The following RBFOX1 variants were observed in gnomAD, a reference collection of about 807,000 sequenced individuals.
RBFOX1 encodes RNA binding fox-1 homolog 1.
Under a neutral mutation model 57.7 loss-of-function variants are expected in RBFOX1, and 8 were observed. The observed-to-expected ratio is 0.14, with a 90% confidence interval of 0.08 to 0.25. The LOEUF is 0.25. RBFOX1 is among the 10% of genes least tolerant of loss of function. The pLI is 1.00. For synonymous variants in RBFOX1, 326 were observed against 222.4 expected (o/e 1.47, Z -4.15); for missense variants, 611 against 548.5 (o/e 1.11, Z -1.14).
At chr16:5,725,434 T>TTG (rs1440013042) in intron 3 of RBFOX1, among the ~76,000 whole-genome samples, 10 of 151,896 alleles carry the variant, frequency 6.6e-5, no homozygotes, top group Non-Finnish European at 4.4e-5. Context: ...TATTATTATT[T>TTG]TTATTTTTTG....
At chr16:6,821,307 A>C (rs1309838408) in intron 3 of RBFOX1, among the ~76,000 whole-genome samples, 1 of 152,146 alleles carries the variant, frequency 6.6e-6, no homozygotes, top group Non-Finnish European at 1.5e-5. Flanking sequence ...CTTCCCTATT[A>C]CTAAGTTTTG....
At chr16:6,924,348 G>C (rs2153459810) in intron 3 of RBFOX1, among the ~76,000 whole-genome samples, 1 of 152,128 alleles carries the variant, frequency 6.6e-6, no homozygotes, top group South Asian at 2.1e-4. Flanking sequence ...ATGTTGGGCA[G>C]GGAAGAGGAA....
At chr16:5,657,662 C>CT (rs760995546) in intron 3 of RBFOX1, among the ~76,000 whole-genome samples, 4,038 of 125,960 alleles carry the variant, frequency 0.032, 111 homozygotes, top group East Asian at 0.13. Context: ...CTTTTCTTTT[C>CT]TTTCTTTCTT....
intron 4 of RBFOX1, among the ~76,000 whole-genome samples, chr16:5,969,358 C>T (rs1372085190): frequency 8.0e-6 from 1 of 124,962 alleles, no homozygotes; most frequent in Non-Finnish European, 1.6e-5. Context: ...GTCACCCGGG[C>T]TGGAGTGCAA....
In RBFOX1 at chr16:6,088,473, C is replaced by T. The variant is rs549350935; in HGVS notation, c.-127+68481C>T. ...ATTAATCATTCACTTTCCTATCCAC[C>T]ATTCAACCATCCATGCATCCTCCCT... On this transcript the variant is annotated intron_variant, in intron 1 of 15. Transcript: ENST00000550418. Among the ~76,000 whole-genome samples the T allele has an allele frequency of 3.2e-4, 48 of 152,218 alleles. 1 individual carries two copies. The highest frequency in any genetic ancestry group is 6.8e-3 in the Middle Eastern group (2 of 294).
At chr16:7,705,883 G>C (rs1488985611) in intron 14 of RBFOX1, among the ~76,000 whole-genome samples, 2 of 152,210 alleles carry the variant, frequency 1.3e-5, no homozygotes, top group Non-Finnish European at 2.9e-5. Context: ...TGATGGATGG[G>C]AAGTGGGCAC....
intron 2 of RBFOX1, among the ~76,000 whole-genome samples, chr16:6,489,139 C>A (rs562391043): frequency 6.6e-6 from 1 of 152,144 alleles, no homozygotes; most frequent in East Asian, 1.9e-4. Context: ...CTCTTTAGTA[C>A]GAGAAGTGCT....
At chr16:7,399,447 CAAATAAATAAATAAAT>C (rs1568635163) in intron 4 of RBFOX1, among the ~76,000 whole-genome samples, 1 of 152,016 alleles carries the variant, frequency 6.6e-6, no homozygotes, top group Non-Finnish European at 1.5e-5. Flanking sequence ...AACTCTGTCT[CAAATAAATAAATAAAT>C]GAATAAATAA....
At chr16:5,387,444 C>G (rs576541093) in intron 1 of RBFOX1, among the ~76,000 whole-genome samples, 12 of 152,276 alleles carry the variant, frequency 7.9e-5, no homozygotes, top group Non-Finnish European at 1.3e-4. Context: ...TCTGTTATGC[C>G]TTTGAGGGAC....
intron 1 of RBFOX1, among the ~76,000 whole-genome samples, chr16:6,109,195 C>T (rs555966102): frequency 6.6e-6 from 1 of 152,176 alleles, no homozygotes; most frequent in South Asian, 2.1e-4. Context: ...AGCTCATTGC[C>T]CCCTTTCCCC....
chr16:6,634,515 AAT>A (rs2098415456), intron 2 of RBFOX1, among the ~76,000 whole-genome samples: 1 of 148,872 alleles, frequency 6.7e-6, no homozygotes, highest in Non-Finnish European at 1.5e-5. Context: ...CATTTAATAG[AAT>A]ATATGATATA....
intron 1 of RBFOX1, among the ~76,000 whole-genome samples, chr16:5,399,995 C>T (rs1213142985): frequency 6.6e-6 from 1 of 152,108 alleles, no homozygotes; most frequent in Non-Finnish European, 1.5e-5. Flanking sequence ...TATGTTTGCC[C>T]TCCTTTCACC....
chr16:7,469,407 G>C (rs1039379305), intron 4 of RBFOX1, among the ~76,000 whole-genome samples: 2 of 152,090 alleles, frequency 1.3e-5, no homozygotes, highest in East Asian at 1.9e-4. Flanking sequence ...GGCTATGTTT[G>C]TCTCATCTTC....
chr16:6,433,226 G>A lies in RBFOX1; in HGVS notation c.-64+116169G>A, dbSNP rs551527149. On this transcript the variant is annotated intron_variant, in intron 2 of 15. Coordinates refer to ENST00000550418, the MANE Select transcript of RBFOX1 (RefSeq NM_018723.4). ...TAGGTATAGCTGATGGGAGTTTTTGGCATAGCAAATGAGAAGTCATAGAGA... is the reference window on the plus strand; with the variant it reads ...TAGGTATAGCTGATGGGAGTTTTTGACATAGCAAATGAGAAGTCATAGAGA... Among the ~76,000 whole-genome samples, 3 of 152,298 alleles carry A rather than the reference G, an allele frequency of 2.0e-5. No homozygotes were observed. The South Asian group carries it at 6.2e-4, about 32-fold the overall frequency.
chr16:6,720,042 C>G (rs946377197), intron 3 of RBFOX1, among the ~76,000 whole-genome samples: 17 of 151,846 alleles, frequency 1.1e-4, no homozygotes, highest in African/African-American at 4.1e-4. Context: ...TGCAGTGAGC[C>G]AAGATCATGC....
chr16:6,345,866 G>C (rs758200822), intron 2 of RBFOX1, among the ~76,000 whole-genome samples: 6 of 152,174 alleles, frequency 3.9e-5, no homozygotes, highest in Non-Finnish European at 8.8e-5. Flanking sequence ...CTACATTTTA[G>C]GGAAACATAA....
At chr16:7,083,541 G>T (rs1255031045) in intron 4 of RBFOX1, among the ~76,000 whole-genome samples, 1 of 152,110 alleles carries the variant, frequency 6.6e-6, no homozygotes, top group Non-Finnish European at 1.5e-5. Context: ...CCTCACCGTG[G>T]ATCAAATGGG....
intron 2 of RBFOX1, among the ~76,000 whole-genome samples, chr16:6,326,756 G>A (rs1043850884): frequency 1.0e-4 from 15 of 149,376 alleles, no homozygotes; most frequent in African/African-American, 3.4e-4. Flanking sequence ...GCAATTTCAA[G>A]CAGATTGACT....
At chr16:6,516,397 A>G (rs1449251991) in intron 2 of RBFOX1, among the ~76,000 whole-genome samples, 1 of 152,244 alleles carries the variant, frequency 6.6e-6, no homozygotes, top group African/African-American at 2.4e-5. Flanking sequence ...ACATAGTTGT[A>G]AGAAATAATA....
Sources: gnomAD v4.1 joint callset for allele counts (sites outside exome capture counted in the v4.1 genomes callset) on GRCh38, gnomAD v4.1.1 for gene constraint, MANE v1.5 for transcripts, NCBI Gene and HGNC (gene_info 2026-07-23, HGNC 2026-07-21) for gene names.